Variants in AP2A2 observed in about 807,000 individuals in gnomAD.
AP2A2 encodes the protein adaptor related protein complex 2 subunit alpha 2, also known as AP-2 complex subunit alpha-2.
In AP2A2, 32 loss-of-function variants were observed where a neutral mutation model predicts 104.2. The ratio of observed to expected loss-of-function variants is 0.31; its 90% CI spans 0.23 to 0.41. AP2A2 has a LOEUF of 0.41. Ranked by LOEUF, AP2A2 falls within the 10% of genes least tolerant of loss-of-function variation. The pLI is 1.00. For missense variants in AP2A2, 912 were observed against 1,261.0 expected, an observed-to-expected ratio of 0.72 and a Z score of 4.19; for synonymous variants, 539 against 533.3, an observed-to-expected ratio of 1.01 and a Z score of -0.15.
rs368648611 is a variant in AP2A2, at chr11:981,216, A to G, written c.622A>G (p.Thr208Ala). 2 of 1,613,122 alleles carry G rather than the reference A, an allele frequency of 1.2e-6. No homozygotes were observed. The highest frequency in any genetic ancestry group is 1.3e-5 in the African/African-American group (1 of 74,936). The change falls in exon 6 of 22, where the codon ACA becomes GCA. Residue 208 changes from threonine (T) to alanine (A), a missense_variant. Thr to Ala is a moderately conservative substitution (Grantham distance 58, BLOSUM62 0). Coordinates refer to ENST00000448903, the MANE Select transcript of AP2A2 (RefSeq NM_012305.4). Reference sequence around the variant, plus strand: ...CTTTCAGGGTGTGGTAACTGCAGCCACAAGTCTGATCACCACTTTAGCACA... The same window carrying G: ...CTTTCAGGGTGTGGTAACTGCAGCCGCAAGTCTGATCACCACTTTAGCACA... ...DQHLGVVTAA[T>A]SLITTLAQKN...
In AP2A2 at chr11:986,960, G is replaced by C. The variant is rs757650056; in HGVS notation, c.1131+7G>C. ...GGTCATCAACGCCCTGAAGGCGAGT[G>C]CCCTGTCCTTGGGTTCTGCTCACTC... On this transcript the variant is annotated splice_region_variant and intron_variant, in intron 9 of 21. Transcript: ENST00000448903. The C allele has an allele frequency of 4.5e-6, 7 of 1,569,694 alleles. No homozygotes were observed. The highest frequency in any genetic ancestry group is 5.2e-6 in the Non-Finnish European group (6 of 1,157,772).
intron 1 of AP2A2, among the ~76,000 whole-genome samples, chr11:935,602 A>ATTTTTTTTTTTTTTTT (rs1589942821): frequency 7.4e-5 from 3 of 40,656 alleles, no homozygotes; most frequent in East Asian, 1.6e-3. Context: ...GTGCCCGGCC[A>ATTTTTTTTTTTTTTTT]GTTTTTTTTT....
At chr11:965,251 A>G (rs1476385895) in intron 2 of AP2A2, among the ~76,000 whole-genome samples, 1 of 151,590 alleles carries the variant, frequency 6.6e-6, no homozygotes, top group African/African-American at 2.4e-5. Context: ...GGGAAATTAA[A>G]GGAAATAATC....
chr11:1,001,846 G>A (rs1369446556), intron 15 of AP2A2, among the ~76,000 whole-genome samples: 2 of 152,198 alleles, frequency 1.3e-5, no homozygotes, highest in Non-Finnish European at 2.9e-5. Flanking sequence ...CCTCACATTG[G>A]GTGGCGCTGT....
intron 14 of AP2A2, chr11:996,342 G>C (rs570302123): frequency 6.6e-6 from 1 of 152,308 alleles, no homozygotes; most frequent in Admixed American, 6.5e-5. Flanking sequence ...GGGATTGCCT[G>C]TTGGAAGCTG....
chr11:983,565 A>G (rs1193262603), intron 6 of AP2A2, among the ~76,000 whole-genome samples: 2 of 151,450 alleles, frequency 1.3e-5, no homozygotes, highest in East Asian at 3.9e-4. Context: ...TGTATTTTTT[A>G]GTAGAGATGG....
chr11:958,350 G>A (rs1423373816), intron 1 of AP2A2, among the ~76,000 whole-genome samples: 1 of 152,236 alleles, frequency 6.6e-6, no homozygotes, highest in African/African-American at 2.4e-5. Flanking sequence ...CGTCTGGGGT[G>A]TTTTGTCATG....
At chr11:989,612 A>G (rs1855580039) in intron 10 of AP2A2, among the ~76,000 whole-genome samples, 1 of 152,204 alleles carries the variant, frequency 6.6e-6, no homozygotes, top group South Asian at 2.1e-4. Flanking sequence ...TTTATTCACA[A>G]AGTAGGTGTG....
chr11:1,007,622 T>C (rs968477651), intron 17 of AP2A2: 7 of 284,126 alleles, frequency 2.5e-5, no homozygotes, highest in Non-Finnish European at 4.1e-5. Context: ...CAGGCTCTTT[T>C]CTGTGTCTCG....
chr11:966,183 C>T (rs1854611171), intron 2 of AP2A2, among the ~76,000 whole-genome samples: 1 of 152,192 alleles, frequency 6.6e-6, no homozygotes, highest in South Asian at 2.1e-4. Context: ...AGGAGTTTTC[C>T]AGGTTGTGCA....
In AP2A2 at chr11:983,315, G is replaced by A. The variant is rs148156481; in HGVS notation, c.706-1330G>A. Among the ~76,000 whole-genome samples the A allele has an allele frequency of 5.7e-3, 870 of 151,938 alleles. 12 individuals carry two copies. Among genetic ancestry groups the A allele is most frequent in the African/African-American group, 0.02 (814 of 41,426 alleles). Reference sequence around the variant, plus strand: ...GCTGGCATTATAGGCATGAGACACCGCACCTGGACTCCTTTCCTCTACTTT... The same window carrying A: ...GCTGGCATTATAGGCATGAGACACCACACCTGGACTCCTTTCCTCTACTTT... On this transcript the variant is annotated intron_variant, in intron 6 of 21. Transcript: ENST00000448903.
At chr11:962,173 G>A (rs1205613097) in intron 2 of AP2A2, among the ~76,000 whole-genome samples, 1 of 152,258 alleles carries the variant, frequency 6.6e-6, no homozygotes, top group Non-Finnish European at 1.5e-5. Context: ...CCATGACAAA[G>A]CCAGCCTTAC....
At chr11:931,861 C>T (rs949764260) in intron 1 of AP2A2, among the ~76,000 whole-genome samples, 10 of 147,276 alleles carry the variant, frequency 6.8e-5, no homozygotes, top group Admixed American at 2.1e-4. Flanking sequence ...TGGAGTGCAG[C>T]GGTGTGATCT....
chr11:995,321 T>C (rs2133751319), intron 14 of AP2A2: 1 of 455,956 alleles, frequency 2.2e-6, no homozygotes, highest in South Asian at 1.5e-5. Flanking sequence ...ACAGAATGTG[T>C]CCTGTGGTAT....
chr11:950,350 C>T (rs1349107249), intron 1 of AP2A2, among the ~76,000 whole-genome samples: 2 of 148,536 alleles, frequency 1.3e-5, no homozygotes, highest in Non-Finnish European at 3.0e-5. Flanking sequence ...CGCTCTGTCA[C>T]CAGGCTGGAG....
chr11:928,724 C>G (rs542770015), intron 1 of AP2A2, among the ~76,000 whole-genome samples: 1 of 152,234 alleles, frequency 6.6e-6, no homozygotes. Context: ...CCTGAAGGAG[C>G]TCGTAGAAGA....
Position 1,009,387 on chromosome 11 carries a change from C to T in AP2A2, c.2597C>T (p.Thr866Ile). ...AAGCACCCAATGGACACAGAAGTCA[C>T]CAAAGCCAAGGTAACACGTCTGGAG... Reference protein sequence around the residue: ...KAKHPMDTEVTKAKIIGFGSA... With the variant: ...KAKHPMDTEVIKAKIIGFGSA... The change falls in exon 20 of 22, where the codon ACC (threonine) becomes ATC (isoleucine). Residue 866 changes from threonine (T) to isoleucine (I), a missense_variant. Thr to Ile is a moderately conservative substitution (Grantham distance 89). This residue lies in a region of AP2A2 where 239 missense variants were observed against 329.8 expected (regional missense o/e 0.72). Transcript: ENST00000448903. 1 of 1,613,316 alleles carries T rather than the reference C, an allele frequency of 6.2e-7. No homozygotes were observed. The highest frequency in any genetic ancestry group is 1.3e-5 in the African/African-American group (1 of 75,056).
chr11:937,262 C>T (rs139389594), intron 1 of AP2A2, among the ~76,000 whole-genome samples: 63 of 152,094 alleles, frequency 4.1e-4, no homozygotes, highest in African/African-American at 5.8e-4. Flanking sequence ...TTAGGTGATC[C>T]GCCCGCTTCG....
chr11:1,006,087 C>A (rs1856193217), intron 16 of AP2A2, among the ~76,000 whole-genome samples: 1 of 152,246 alleles, frequency 6.6e-6, no homozygotes, highest in Admixed American at 6.5e-5. Flanking sequence ...GCAGCCGGGG[C>A]CGGTGCGTGT....
Sources: allele counts gnomAD v4.1 joint callset (sites outside exome capture counted in the v4.1 genomes callset), GRCh38; gene constraint gnomAD v4.1.1; regional missense constraint gnomAD v4.1.1; transcripts MANE v1.5; gene names NCBI Gene and HGNC (gene_info 2026-07-23, HGNC 2026-07-21).